Variants in STRBP observed in about 807,000 individuals in gnomAD.
STRBP encodes the protein spermatid perinuclear RNA-binding protein.
A neutral mutation model predicts 80.1 loss-of-function variants in STRBP; 13 were observed. The ratio of observed to expected loss-of-function variants is 0.16; its 90% CI spans 0.11 to 0.26. The LOEUF (loss-of-function observed/expected upper bound fraction) is 0.26, where lower values mean the gene tolerates loss of function less well. Among genes scored for constraint, STRBP ranks in the 10% least tolerant of loss-of-function variants. STRBP has a pLI of 1.00. For synonymous variants in STRBP, 284 were observed against 291.2 expected (o/e 0.98, Z 0.25); for missense variants, 485 against 815.2 (o/e 0.59, Z 4.93).
intron 13 of STRBP, among the ~76,000 whole-genome samples, chr9:123,144,108 G>C (rs1033576027): frequency 5.4e-5 from 8 of 149,036 alleles, no homozygotes; most frequent in African/African-American, 1.7e-4. Context: ...TGAGGCAGGA[G>C]AATCACTGGA....
At chr9:123,161,101 A>T in intron 6 of STRBP, 33 bp from the exon 7 acceptor site, 1 of 1,474,510 alleles carries the variant, frequency 6.8e-7, no homozygotes, top group Non-Finnish European at 9.3e-7. Context: ...AGAGACAAAT[A>T]CAATTTGACC....
chr9:123,254,506 T>G (rs1450806091), intron 1 of STRBP, among the ~76,000 whole-genome samples: 3 of 151,574 alleles, frequency 2.0e-5, no homozygotes, highest in African/African-American at 7.3e-5. Flanking sequence ...AATCTACCTC[T>G]TGCCCCAACT....
intron 1 of STRBP, among the ~76,000 whole-genome samples, chr9:123,265,410 A>T (rs2041246441): frequency 6.6e-6 from 1 of 152,244 alleles, no homozygotes; most frequent in Non-Finnish European, 1.5e-5. Context: ...ATTTGAAATC[A>T]TACTAGGTAC....
intron 11 of STRBP, among the ~76,000 whole-genome samples, chr9:123,153,068 C>T (rs1253177096): frequency 1.3e-5 from 2 of 151,748 alleles, no homozygotes. Context: ...TTGTGGAGAA[C>T]AGATAGAGGG....
intron 13 of STRBP, among the ~76,000 whole-genome samples, chr9:123,144,241 T>C (rs2036717881): frequency 6.6e-6 from 1 of 151,930 alleles, no homozygotes; most frequent in African/African-American, 2.4e-5. Flanking sequence ...GATCCTATTT[T>C]TAAAAAACAT....
intron 3 of STRBP, among the ~76,000 whole-genome samples, chr9:123,181,161 G>A (rs980435303): frequency 6.6e-6 from 1 of 152,158 alleles, no homozygotes; most frequent in African/African-American, 2.4e-5. Flanking sequence ...CATCTGTCTA[G>A]ATGTCTTTCT....
chr9:123,147,695 A>T, intron 12 of STRBP, 83 bp downstream of exon 12: 1 of 1,161,004 alleles, frequency 8.6e-7, no homozygotes, highest in South Asian at 1.5e-5. Context: ...AAAAAAAAAA[A>T]AAAACCCTTC....
At chr9:123,232,784 G>A (rs1054482650) in intron 2 of STRBP, among the ~76,000 whole-genome samples, 1 of 152,192 alleles carries the variant, frequency 6.6e-6, no homozygotes, top group African/African-American at 2.4e-5. Flanking sequence ...TCTGGTTCTT[G>A]GTTCCAGCCC....
chr9:123,172,827 TAAAAG>T (rs2038065633), intron 5 of STRBP, among the ~76,000 whole-genome samples: 1 of 151,982 alleles, frequency 6.6e-6, no homozygotes, highest in African/African-American at 2.4e-5. Flanking sequence ...GATATACAAA[TAAAAG>T]AAACTAAATT....
downstream of STRBP, among the ~76,000 whole-genome samples, chr9:123,119,377 A>T (rs369238139): frequency 7.2e-6 from 1 of 137,990 alleles, no homozygotes. Flanking sequence ...AGCACCCTTA[A>T]ATCCCACCCC....
chr9:123,257,225 A>G (rs2041051887), intron 1 of STRBP, among the ~76,000 whole-genome samples: 2 of 152,064 alleles, frequency 1.3e-5, no homozygotes, highest in South Asian at 4.1e-4. Context: ...TGCTAATGCT[A>G]TTCCCTCCAT....
chr9:123,189,873 G>T (rs937426902), intron 2 of STRBP, among the ~76,000 whole-genome samples: 25 of 151,824 alleles, frequency 1.6e-4, no homozygotes, highest in African/African-American at 5.3e-4. Context: ...TTTAAAAAAA[G>T]AAAAAAAGAT....
intron 2 of STRBP, among the ~76,000 whole-genome samples, chr9:123,195,798 A>G (rs1013751130): frequency 1.3e-5 from 2 of 152,226 alleles, no homozygotes; most frequent in African/African-American, 4.8e-5. Flanking sequence ...GTTCAATGCA[A>G]TCTCTGCTAA....
At chr9:123,256,018 C>CTTT (rs11338372) in intron 1 of STRBP, among the ~76,000 whole-genome samples, 401 of 71,414 alleles carry the variant, frequency 5.6e-3, no homozygotes, top group African/African-American at 0.018. Flanking sequence ...TCCTTTCTTT[C>CTTT]TTTTTTTTTT....
At chr9:123,234,899 G>A (rs1279691779) in intron 2 of STRBP, among the ~76,000 whole-genome samples, 11 of 149,614 alleles carry the variant, frequency 7.4e-5, no homozygotes, top group South Asian at 2.1e-4. Context: ...GGCAGAGGTC[G>A]CAGTCAGCTG....
In STRBP at chr9:123,115,701, T is replaced by C; in HGVS notation, c.*84+228A>G. The stretch of plus-strand genomic sequence containing the variant: ...CATCACCAGTCAACATCAGAGTTCG[T>C]CCAAACTGACATTCCACAGCATTTC... On this transcript the variant is annotated intron_variant and NMD_transcript_variant, in intron 3 of 3. Transcript: ENST00000471564. The surrounding 1 kb of genome is among the most constrained non-coding windows in gnomAD (Gnocchi z 5.0). The C allele has an allele frequency of 3.0e-6, 1 of 335,154 alleles. No individual in the cohort carries two copies. The highest frequency in any genetic ancestry group is 2.5e-5 in the South Asian group (1 of 40,800). 20.8% of individuals were successfully genotyped at this position (335,154 alleles called of 1,614,324 possible).
chr9:123,123,824 T>C lies in STRBP; in HGVS notation c.*1773A>G. 2 of 985,430 alleles carry C rather than the reference T, an allele frequency of 2.0e-6. No homozygotes were observed. The highest frequency in any genetic ancestry group is 2.4e-6 in the Non-Finnish European group (2 of 829,934). The allele number at this position is 985,430 out of a possible 1,614,324, so 61.0% of individuals were successfully genotyped here. On this transcript the variant is annotated 3_prime_UTR_variant, in exon 19 of 19. Transcript: ENST00000348403. The stretch of plus-strand genomic sequence containing the variant: ...AAAAACTGGACACTATCAGCCATGC[T>C]TTTTCTTCTCAGTGATGGCTCTGTT...
At chr9:123,141,683 T>C (rs2036595937) in intron 13 of STRBP, among the ~76,000 whole-genome samples, 1 of 152,224 alleles carries the variant, frequency 6.6e-6, no homozygotes, top group Admixed American at 6.5e-5. Flanking sequence ...AATACTTCTC[T>C]CCACCCTTTT....
At chr9:123,190,103 A>C (rs763377345) in intron 2 of STRBP, among the ~76,000 whole-genome samples, 9 of 152,086 alleles carry the variant, frequency 5.9e-5, no homozygotes, top group Non-Finnish European at 1.2e-4. Flanking sequence ...AACATGGTGA[A>C]ATCTTGTCTC....
Sources: allele counts gnomAD v4.1 joint callset (sites outside exome capture counted in the v4.1 genomes callset), GRCh38; gene constraint gnomAD v4.1.1; non-coding constraint Gnocchi (gnomAD v3.1); transcripts MANE v1.5; gene names NCBI Gene and HGNC (gene_info 2026-07-23, HGNC 2026-07-21).